The following PDE4D variants were observed in gnomAD, a reference collection of about 807,000 sequenced individuals.
The protein encoded by PDE4D is phosphodiesterase 4D.
In PDE4D, 24 loss-of-function variants were observed where a neutral mutation model predicts 87.4. That is an observed-to-expected ratio of 0.27 (90% CI 0.20 to 0.39). The LOEUF (loss-of-function observed/expected upper bound fraction) is 0.39, where lower values mean the gene tolerates loss of function less well. Among genes scored for constraint, PDE4D ranks in the 10% least tolerant of loss-of-function variants. PDE4D has a pLI of 1.00. For synonymous variants in PDE4D, 384 were observed against 383.2 expected (o/e 1.00, Z -0.02); for missense variants, 714 against 1,041.0 (o/e 0.69, Z 4.32).
At chr5:59,030,740 C>T (rs975115982) in intron 6 of PDE4D, among the ~76,000 whole-genome samples, 4 of 152,034 alleles carry the variant, frequency 2.6e-5, no homozygotes, top group African/African-American at 7.3e-5. Context: ...CAAAAACAAA[C>T]GAAAACTCAA....
At position 60,063,076 on chromosome 5, in the gene PDE4D, GAAGAAAGAAAGAAAGAAAGAAGAAAGA is replaced by G. The variant is rs1429836169; in HGVS notation, c.43-74386_43-74360del. On this transcript the variant is annotated intron_variant, in intron 2 of 16. Coordinates refer to the PDE4D transcript ENST00000502484. The stretch of plus-strand genomic sequence containing the variant: ...CTGTATATGTATCCCAAAACTTAAA[GAAGAAAGAAAGAAAGAAAGAAGAAAGA>G]AAGAAAGAAAGAAAGAAAGAAAGAA... Among the ~76,000 whole-genome samples the G allele has an allele frequency of 1.2e-3, 137 of 115,888 alleles. 1 individual carries two copies. The highest frequency in any genetic ancestry group is 4.4e-3 in the African/African-American group (132 of 29,880). The allele number at this position is 115,888 out of a possible 152,430, so 76.0% of individuals were successfully genotyped here.
At chr5:59,486,122 A>T (rs1345613882) in intron 1 of PDE4D, among the ~76,000 whole-genome samples, 1 of 152,154 alleles carries the variant, frequency 6.6e-6, no homozygotes, top group African/African-American at 2.4e-5. Flanking sequence ...TGTAGAGTGA[A>T]AGACAATCTG....
intron 1 of PDE4D, among the ~76,000 whole-genome samples, chr5:59,394,285 C>G (rs748761417): frequency 6.6e-6 from 1 of 152,202 alleles, no homozygotes; most frequent in Non-Finnish European, 1.5e-5. Flanking sequence ...ATCAGTGTCA[C>G]TGTCATAGTT....
chr5:59,616,757 C>T (rs1308902794), intron 1 of PDE4D, among the ~76,000 whole-genome samples: 3 of 151,318 alleles, frequency 2.0e-5, no homozygotes, highest in Non-Finnish European at 4.4e-5. Flanking sequence ...TATAAAGTTG[C>T]TCCCATGGAG....
intron 5 of PDE4D, chr5:59,166,140 CT>C (rs1781892139): frequency 6.6e-6 from 1 of 152,138 alleles, no homozygotes; most frequent in African/African-American, 2.4e-5. Context: ...AGGATCATTG[CT>C]GAGACACCAT....
intron 1 of PDE4D, among the ~76,000 whole-genome samples, chr5:59,502,663 AGT>A (rs56100725): frequency 0.099 from 13,374 of 134,954 alleles, 882 homozygotes; most frequent in African/African-American, 0.2. Flanking sequence ...TCCTTAAGGT[AGT>A]GTGTGTGTGT....
intron 5 of PDE4D, among the ~76,000 whole-genome samples, chr5:59,089,172 TTTGTTGTTG>T (rs202105850): frequency 2.0e-5 from 3 of 151,966 alleles, no homozygotes; most frequent in East Asian, 1.9e-4. Context: ...TTTATACATT[TTTGTTGTTG>T]TTGTTGTTGT....
At chr5:59,902,376 C>T (rs1752368572) in intron 3 of PDE4D, among the ~76,000 whole-genome samples, 1 of 152,102 alleles carries the variant, frequency 6.6e-6, no homozygotes, top group Non-Finnish European at 1.5e-5. Flanking sequence ...TTCTAATAAG[C>T]TCCCAGGCAA....
chr5:59,761,157 A>T (rs1761917607), intron 1 of PDE4D, among the ~76,000 whole-genome samples: 1 of 152,214 alleles, frequency 6.6e-6, no homozygotes, highest in African/African-American at 2.4e-5. Flanking sequence ...ATCTAAACAT[A>T]GAAAAGGTAC....
chr5:59,425,383 TGA>T (rs1331572497), intron 1 of PDE4D, among the ~76,000 whole-genome samples: 1 of 152,176 alleles, frequency 6.6e-6, no homozygotes, highest in African/African-American at 2.4e-5. Flanking sequence ...TTTTTTGTTG[TGA>T]GAGGCTGTCG....
chr5:59,185,914 C>T (rs190878593), intron 3 of PDE4D, among the ~76,000 whole-genome samples: 22 of 152,306 alleles, frequency 1.4e-4, no homozygotes, highest in Non-Finnish European at 1.0e-4. Context: ...AATACATAGA[C>T]ACAACATGCC....
intron 3 of PDE4D, among the ~76,000 whole-genome samples, chr5:59,951,136 G>T (rs1284698949): frequency 6.6e-6 from 1 of 152,018 alleles, no homozygotes; most frequent in African/African-American, 2.4e-5. Flanking sequence ...ATCAGCTTTT[G>T]TGATAGATAT....
intron 5 of PDE4D, among the ~76,000 whole-genome samples, chr5:59,109,004 G>T (rs1389525969): frequency 1.1e-4 from 14 of 122,292 alleles, no homozygotes; most frequent in African/African-American, 4.4e-4. Flanking sequence ...TGTGTGTGTG[G>T]TGTAGGCCTG....
intron 3 of PDE4D, among the ~76,000 whole-genome samples, chr5:59,188,670 G>C (rs1743481467): frequency 6.6e-6 from 1 of 152,200 alleles, no homozygotes; most frequent in African/African-American, 2.4e-5. Flanking sequence ...GGCGGCGGAG[G>C]AAGCGGCGAC....
chr5:60,374,823 A>C (rs1249921411), intron 1 of PDE4D, among the ~76,000 whole-genome samples: 1 of 152,222 alleles, frequency 6.6e-6, no homozygotes, highest in African/African-American at 2.4e-5. Flanking sequence ...TAAGTAAGAA[A>C]TCTTTCATGT....
intron 2 of PDE4D, among the ~76,000 whole-genome samples, chr5:60,063,055 A>G (rs1046585245): frequency 2.1e-4 from 31 of 150,364 alleles, no homozygotes; most frequent in African/African-American, 6.9e-4. Flanking sequence ...CATGTTCTGT[A>G]TATGTATCCC....
chr5:60,413,766 A>G (rs1019946384), intron 1 of PDE4D, among the ~76,000 whole-genome samples: 1 of 148,528 alleles, frequency 6.7e-6, no homozygotes, highest in Admixed American at 6.7e-5. Context: ...TGGTGAAAGT[A>G]TCATTGACTT....
chr5:59,050,882 A>C (rs1199304045), intron 5 of PDE4D, among the ~76,000 whole-genome samples: 1 of 152,272 alleles, frequency 6.6e-6, no homozygotes, highest in Non-Finnish European at 1.5e-5. Flanking sequence ...GTATTCAATC[A>C]ATAGTAGGTA....
chr5:59,853,178 C>T lies in PDE4D; in HGVS notation c.455+39990G>A, dbSNP rs1264266792. ...GAAAATCGTGATATGAAGGACTCCT[C>T]TGTACTGTAGAACAGTGGCTGTATT... is the stretch of plus-strand genomic sequence containing the variant. On this transcript the variant is annotated intron_variant, in intron 1 of 14. Transcript: ENST00000340635. Among the ~76,000 whole-genome samples the T allele has an allele frequency of 5.3e-5, 8 of 152,136 alleles. No homozygotes were observed. The East Asian group carries it at 1.5e-3, about 29-fold the overall frequency.
Sources: allele counts gnomAD v4.1 joint callset (sites outside exome capture counted in the v4.1 genomes callset), GRCh38; gene constraint gnomAD v4.1.1; transcripts MANE v1.5; gene names NCBI Gene and HGNC (gene_info 2026-07-23, HGNC 2026-07-21).